NTN1: variants seen among roughly 807,000 people sequenced by gnomAD.
The protein encoded by NTN1 is netrin-1.
A neutral mutation model predicts 54.2 loss-of-function variants in NTN1; 11 were observed. The observed-to-expected ratio is 0.20, with a 90% confidence interval of 0.13 to 0.34. The LOEUF (loss-of-function observed/expected upper bound fraction) is 0.34. NTN1 is among the 10% of genes least tolerant of loss of function. NTN1 has a pLI of 1.00. For synonymous variants in NTN1, 371 were observed against 382.0 expected, an observed-to-expected ratio of 0.97 and a Z score of 0.33; for missense variants, 740 against 893.1, an observed-to-expected ratio of 0.83 and a Z score of 2.18.
intron 4 of NTN1, among the ~76,000 whole-genome samples, chr17:9,180,283 C>G (rs1463802651): frequency 6.6e-6 from 1 of 151,492 alleles, no homozygotes; most frequent in Non-Finnish European, 1.5e-5. Flanking sequence ...AGGTGATCCA[C>G]CCACCTTGGC....
At chr17:9,054,733 G>A (rs938001226) in intron 2 of NTN1, among the ~76,000 whole-genome samples, 7 of 152,092 alleles carry the variant, frequency 4.6e-5, no homozygotes, top group Non-Finnish European at 1.0e-4. Context: ...GAGGGGCTAT[G>A]TTTCAGCCTG....
At chr17:9,131,551 CTG>C (rs1268656805) in intron 2 of NTN1, among the ~76,000 whole-genome samples, 2 of 148,596 alleles carry the variant, frequency 1.3e-5, no homozygotes, top group African/African-American at 5.0e-5. Flanking sequence ...CTCGGTTTGT[CTG>C]TGTTTCGGCC....
intron 2 of NTN1, among the ~76,000 whole-genome samples, chr17:9,127,038 G>C (rs2092249499): frequency 6.9e-6 from 1 of 145,278 alleles, no homozygotes; most frequent in Admixed American, 7.1e-5. Context: ...CATGGGATCA[G>C]AGCAGTGGGC....
chr17:9,155,633 G>A (rs931377105), intron 2 of NTN1, among the ~76,000 whole-genome samples: 3 of 151,312 alleles, frequency 2.0e-5, no homozygotes, highest in South Asian at 2.1e-4. Context: ...GAGCCACTGC[G>A]CCTGGCGCTC....
At chr17:9,030,252 T>A (rs114261098) in intron 2 of NTN1, among the ~76,000 whole-genome samples, 1,548 of 152,232 alleles carry the variant, frequency 0.01, 17 homozygotes, top group African/African-American at 0.036. Context: ...CAAAGGAAGA[T>A]ACTCTCCGAG....
chr17:9,218,267 C>T lies in NTN1; in HGVS notation c.1412-2901C>T, dbSNP rs377374349. Among the ~76,000 whole-genome samples, 33 of 152,314 alleles carry T rather than the reference C, an allele frequency of 2.2e-4. No homozygotes were observed. In the South Asian group the frequency reaches 6.6e-3, roughly 31 times the overall value. ...CTGCCAGACTGCCTCATTGGGCACA[C>T]GACCTTGAGCTGGTGAGTCACCAAT... is the stretch of plus-strand genomic sequence containing the variant. On this transcript the variant is annotated intron_variant, in intron 5 of 6. Coordinates refer to ENST00000173229, the MANE Select transcript of NTN1 (RefSeq NM_004822.3).
At chr17:9,196,492 G>A (rs1041185305) in intron 5 of NTN1, among the ~76,000 whole-genome samples, 14 of 152,288 alleles carry the variant, frequency 9.2e-5, no homozygotes, top group Admixed American at 7.2e-4. Flanking sequence ...TTTTCCTCTC[G>A]GCAGCTCTCT....
At chr17:9,141,331 C>T (rs1282369671) in intron 2 of NTN1, among the ~76,000 whole-genome samples, 1 of 151,792 alleles carries the variant, frequency 6.6e-6, no homozygotes, top group Non-Finnish European at 1.5e-5. Context: ...GGGAGGCAGC[C>T]CTGGAGGAGG....
chr17:9,151,665 TAA>T (rs1036816093), intron 2 of NTN1, among the ~76,000 whole-genome samples: 133 of 152,274 alleles, frequency 8.7e-4, no homozygotes, highest in African/African-American at 3.1e-3. Flanking sequence ...AAGAGAGACT[TAA>T]GAGAGGTGTA....
At chr17:9,195,663 G>A (rs1235122885) in intron 5 of NTN1, among the ~76,000 whole-genome samples, 2 of 152,196 alleles carry the variant, frequency 1.3e-5, no homozygotes, top group East Asian at 1.9e-4. Flanking sequence ...GTCCTGGGCT[G>A]TGGTGGGAGG....
Position 9,168,043 on chromosome 17 carries a change from T to C in NTN1, c.1207+5042T>C, listed in dbSNP as rs1016482816. 1.3e-5 allele frequency among the ~76,000 whole-genome samples: 2 copies of C among 152,204 alleles called. 1 individual carries two copies. Among genetic ancestry groups the C allele is most frequent in the South Asian group, 4.2e-4 (2 of 4,808 alleles). Reference sequence around the variant, plus strand: ...AAGCTCCCCTGGAGATTCTAATGTGTAACCAACACTGAGAACCACAGAGAA... The same window carrying C: ...AAGCTCCCCTGGAGATTCTAATGTGCAACCAACACTGAGAACCACAGAGAA... On this transcript the variant is annotated intron_variant, in intron 3 of 6. Coordinates refer to ENST00000173229, the MANE Select transcript of NTN1 (RefSeq NM_004822.3).
intron 5 of NTN1, chr17:9,183,427 G>A (rs1002688556): frequency 2.7e-5 from 11 of 413,566 alleles, no homozygotes; most frequent in East Asian, 2.1e-4. Flanking sequence ...ATTTTCATTC[G>A]CCTCTAACTA....
intron 2 of NTN1, among the ~76,000 whole-genome samples, chr17:9,053,473 A>G (rs2091967408): frequency 6.6e-6 from 1 of 152,270 alleles, no homozygotes. Context: ...ACACAAATTT[A>G]AGTCCTGCAG....
chr17:9,221,147 T>TGGGCCCC lies in NTN1; in HGVS notation c.1412-21_1412-20insGGGCCCC. The TGGGCCCC allele has an allele frequency of 7.7e-7, 1 of 1,303,798 alleles. No individual in the cohort carries two copies. Among genetic ancestry groups the TGGGCCCC allele is most frequent in the Non-Finnish European group, 1.0e-6 (1 of 952,868 alleles). The allele number at this position is 1,303,798 out of a possible 1,614,324, so 80.8% of individuals were successfully genotyped here. A position where few individuals can be genotyped will look rare whatever the true frequency, so the allele number is the denominator to read the frequency against. Reference sequence around the variant, plus strand: ...CAGCCTAATTAGTTTTTGTCTGTGCTCCCCCCCCACCCCCCTGCAGACTGC... The same window carrying TGGGCCCC: ...CAGCCTAATTAGTTTTTGTCTGTGCTGGGCCCCCCCCCCCCACCCCCCTGCAGACTGC... On this transcript the variant is annotated intron_variant, in intron 5 of 6. Transcript: ENST00000173229. The surrounding 1 kb of genome is among the most constrained non-coding windows in gnomAD (Gnocchi z 4.5).
chr17:9,233,343 C>A (rs1188509722), intron 6 of NTN1, among the ~76,000 whole-genome samples: 1 of 152,072 alleles, frequency 6.6e-6, no homozygotes, highest in Admixed American at 6.5e-5. Context: ...CGGTTCCCAA[C>A]AGGCAGATGA....
At chr17:9,154,154 T>G (rs911713842) in intron 2 of NTN1, among the ~76,000 whole-genome samples, 6 of 152,118 alleles carry the variant, frequency 3.9e-5, no homozygotes, top group African/African-American at 1.4e-4. Context: ...AAGCCTATGT[T>G]TGGGGGATAG....
At chr17:9,012,001 CTG>C in the NTN1 span, among the ~76,000 whole-genome samples, 2 of 152,154 alleles carry the variant, frequency 1.3e-5, no homozygotes, top group African/African-American at 4.8e-5. Context: ...GCCAGGCAGT[CTG>C]TTAAACCCTG....
chr17:9,199,309 A>C (rs1241003697), intron 5 of NTN1, among the ~76,000 whole-genome samples: 1 of 152,020 alleles, frequency 6.6e-6, no homozygotes, highest in African/African-American at 2.4e-5. Flanking sequence ...CGCCCAGCTA[A>C]TTTTGTATTT....
At chr17:9,005,702 T>A in the NTN1 span, among the ~76,000 whole-genome samples, 1 of 152,216 alleles carries the variant, frequency 6.6e-6, no homozygotes, top group African/African-American at 2.4e-5. Flanking sequence ...CCTCCCAGAC[T>A]GGAGGCCATA....
Sources: allele counts gnomAD v4.1 joint callset (sites outside exome capture counted in the v4.1 genomes callset), GRCh38; gene constraint gnomAD v4.1.1; non-coding constraint Gnocchi (gnomAD v3.1); transcripts MANE v1.5; gene names NCBI Gene and HGNC (gene_info 2026-07-23, HGNC 2026-07-21).